SGCG: variants seen among roughly 807,000 people sequenced by gnomAD.
SGCG encodes gamma-sarcoglycan.
A neutral mutation model predicts 29.3 loss-of-function variants in SGCG; 26 were observed. That is an observed-to-expected ratio of 0.89 (90% CI 0.65 to 1.23). The LOEUF (loss-of-function observed/expected upper bound fraction) is 1.23. Ranked by LOEUF, SGCG falls within the 50% of genes most tolerant of loss-of-function variation. The probability of loss-of-function intolerance (pLI) is 0.00; values close to 1 mark genes in which losing one functional copy is unlikely to be tolerated. For synonymous variants in SGCG, 145 were observed against 129.7 expected (o/e 1.12, Z -0.80); for missense variants, 353 against 356.0 (o/e 0.99, Z 0.07).
At chr13:23,264,268 G>A (rs1217450464) in intron 4 of SGCG, among the ~76,000 whole-genome samples, 1 of 151,742 alleles carries the variant, frequency 6.6e-6, no homozygotes, top group East Asian at 1.9e-4. Flanking sequence ...CAAATTAGTA[G>A]CACTGCTATA....
the SGCG span, among the ~76,000 whole-genome samples, chr13:23,173,942 T>C: frequency 0.24 from 35,845 of 152,072 alleles, 4,306 homozygotes; most frequent in South Asian, 0.39. Context: ...CTGCAGGAAC[T>C]CTTAATGATA....
intron 6 of SGCG, among the ~76,000 whole-genome samples, chr13:23,304,793 T>C (rs1227677297): frequency 6.6e-6 from 1 of 152,100 alleles, no homozygotes; most frequent in Non-Finnish European, 1.5e-5. Flanking sequence ...GTTTGTTTGT[T>C]TGTTTGTTTG....
chr13:23,181,113 C>G (rs567431799), intron 1 of SGCG, 38 bp downstream of exon 1: 1 of 152,166 alleles, frequency 6.6e-6, no homozygotes, highest in Admixed American at 6.5e-5. Context: ...TATATCAGTA[C>G]AAAGTACTAC....
At chr13:23,304,887 C>T (rs1204337480) in intron 6 of SGCG, among the ~76,000 whole-genome samples, 1 of 152,150 alleles carries the variant, frequency 6.6e-6, no homozygotes, top group Non-Finnish European at 1.5e-5. Context: ...CCTTGGCCTG[C>T]CAAAGTGCTG....
intron 4 of SGCG, among the ~76,000 whole-genome samples, chr13:23,264,241 A>G (rs1241144800): frequency 6.6e-6 from 1 of 152,166 alleles, no homozygotes; most frequent in Non-Finnish European, 1.5e-5. Flanking sequence ...GTCTCAGGTT[A>G]CAAAAATAAA....
intron 1 of SGCG, among the ~76,000 whole-genome samples, chr13:23,185,992 G>C (rs1226850514): frequency 6.6e-6 from 1 of 152,126 alleles, no homozygotes; most frequent in Non-Finnish European, 1.5e-5. Context: ...TCTTTTCCTG[G>C]GGGAACACTG....
intron 3 of SGCG, chr13:23,247,244 C>G (rs1879748068): frequency 6.6e-6 from 1 of 152,494 alleles, no homozygotes; most frequent in African/African-American, 2.4e-5. Context: ...TGACAAAACA[C>G]ATGAACTAGA....
intron 4 of SGCG, among the ~76,000 whole-genome samples, chr13:23,251,874 T>TGGG (rs1879983024): frequency 6.6e-6 from 1 of 152,052 alleles, no homozygotes; most frequent in South Asian, 2.1e-4. Context: ...CAACACAAAC[T>TGGG]TCCAATGTCT....
the SGCG span, among the ~76,000 whole-genome samples, chr13:23,174,621 A>C: frequency 2.6e-5 from 4 of 152,226 alleles, no homozygotes; most frequent in South Asian, 8.3e-4. Flanking sequence ...AAAGGAATTC[A>C]GAAATTCCAA....
chr13:23,167,731 CTT>C, the SGCG span, among the ~76,000 whole-genome samples: 22 of 146,240 alleles, frequency 1.5e-4, no homozygotes, highest in South Asian at 2.1e-4. Flanking sequence ...ATCTTTTGCC[CTT>C]TTTTTTTTTT....
intron 5 of SGCG, among the ~76,000 whole-genome samples, chr13:23,287,143 A>G (rs1447937842): frequency 6.6e-6 from 1 of 152,166 alleles, no homozygotes; most frequent in African/African-American, 2.4e-5. Context: ...TCCTGTGATT[A>G]TGTCACTTAT....
intron 6 of SGCG, among the ~76,000 whole-genome samples, chr13:23,297,539 G>A (rs904707291): frequency 9.2e-5 from 14 of 152,246 alleles, no homozygotes; most frequent in African/African-American, 3.1e-4. Flanking sequence ...GTTATCTGCA[G>A]CAGGAGCATG....
At chr13:23,164,676 G>C in the SGCG span, among the ~76,000 whole-genome samples, 3 of 152,132 alleles carry the variant, frequency 2.0e-5, no homozygotes, top group Admixed American at 1.3e-4. Context: ...AAGAAAGGAT[G>C]CAAGAGACAG....
At chr13:23,174,632 C>T in the SGCG span, among the ~76,000 whole-genome samples, 37,452 of 151,870 alleles carry the variant, frequency 0.25, 4,673 homozygotes, top group South Asian at 0.39. Context: ...GAAATTCCAA[C>T]AATAAAAGCT....
At position 23,324,665 on chromosome 13, in the gene SGCG, C is replaced by A; in HGVS notation, c.*124C>A. ...GGAAGTAAACGCTTCCAGAGGAACTCAGAAAAAATTATGTGCCAGTGAAAG... is the reference window on the plus strand; with the variant it reads ...GGAAGTAAACGCTTCCAGAGGAACTAAGAAAAAATTATGTGCCAGTGAAAG... On this transcript the variant is annotated 3_prime_UTR_variant, in exon 8 of 8. Transcript: ENST00000218867. 3 of 837,294 alleles carry A rather than the reference C, an allele frequency of 3.6e-6. No individual in the cohort carries two copies. Among genetic ancestry groups the A allele is most frequent in the South Asian group, 1.4e-5 (1 of 69,418 alleles). 51.9% of individuals were successfully genotyped at this position (837,294 alleles called of 1,614,324 possible).
At chr13:23,167,768 G>A in the SGCG span, among the ~76,000 whole-genome samples, 244 of 150,136 alleles carry the variant, frequency 1.6e-3, no homozygotes, top group African/African-American at 5.6e-3. Flanking sequence ...GTCTTGCTCC[G>A]GCACCCAGGC....
chr13:23,249,097 C>T (rs1267390008), intron 3 of SGCG, among the ~76,000 whole-genome samples: 3 of 151,756 alleles, frequency 2.0e-5, no homozygotes, highest in Non-Finnish European at 2.9e-5. Flanking sequence ...TCTTGCAATG[C>T]AAATGTGCAA....
chr13:23,266,891 C>A (rs1490655866), intron 4 of SGCG, among the ~76,000 whole-genome samples: 1 of 152,132 alleles, frequency 6.6e-6, no homozygotes, highest in Non-Finnish European at 1.5e-5. Flanking sequence ...CAGTTAAATA[C>A]CTTTTCTTTG....
Position 23,324,625 on chromosome 13 carries a change from G to A in SGCG, c.*84G>A. 8.0e-7 allele frequency: 1 copy of A among 1,243,616 alleles called. No individual in the cohort carries two copies. Among genetic ancestry groups the A allele is most frequent in the Non-Finnish European group, 1.2e-6 (1 of 863,560 alleles). 77.0% of individuals were successfully genotyped at this position (1,243,616 alleles called of 1,614,324 possible). On this transcript the variant is annotated 3_prime_UTR_variant, in exon 8 of 8. Transcript: ENST00000218867. Reference sequence around the variant, plus strand: ...GAGCAGCTGCACATCGTGAAAGACTGAGGCAGCGTGGATGGGAAGTAAACG... The same window carrying A: ...GAGCAGCTGCACATCGTGAAAGACTAAGGCAGCGTGGATGGGAAGTAAACG...
Sources: gnomAD v4.1 joint callset for allele counts (sites outside exome capture counted in the v4.1 genomes callset) on GRCh38, gnomAD v4.1.1 for gene constraint, MANE v1.5 for transcripts, NCBI Gene and HGNC (gene_info 2026-07-23, HGNC 2026-07-21) for gene names.